The following CPEB3 variants were observed in gnomAD, a reference collection of about 807,000 sequenced individuals.
CPEB3 encodes cytoplasmic polyadenylation element-binding protein 3.
In CPEB3, 20 loss-of-function variants were observed where a neutral mutation model predicts 67.2. The ratio of observed to expected loss-of-function variants is 0.30; its 90% CI spans 0.21 to 0.43. The LOEUF (loss-of-function observed/expected upper bound fraction) is 0.43, where lower values mean the gene tolerates loss of function less well. Among genes scored for constraint, CPEB3 ranks in the 20% least tolerant of loss-of-function variants. The probability of loss-of-function intolerance (pLI) is 1.00; values close to 1 mark genes in which losing one functional copy is unlikely to be tolerated. For synonymous variants in CPEB3, 376 were observed against 393.1 expected, an observed-to-expected ratio of 0.96 and a Z score of 0.51; for missense variants, 746 against 968.6, an observed-to-expected ratio of 0.77 and a Z score of 3.05.
At chr10:92,161,536 G>A (rs1475528722) in intron 4 of CPEB3, among the ~76,000 whole-genome samples, 1 of 152,124 alleles carries the variant, frequency 6.6e-6, no homozygotes, top group African/African-American at 2.4e-5. Flanking sequence ...GCCTCCCAAA[G>A]TATTGGAATT....
At chr10:92,096,946 A>C (rs1843909920) in intron 7 of CPEB3, among the ~76,000 whole-genome samples, 1 of 152,202 alleles carries the variant, frequency 6.6e-6, no homozygotes, top group Non-Finnish European at 1.5e-5. Context: ...ACCCTGTCTC[A>C]AAATAAAATA....
intron 8 of CPEB3, among the ~76,000 whole-genome samples, chr10:92,089,770 G>C (rs1378887120): frequency 1.3e-5 from 2 of 152,022 alleles, no homozygotes; most frequent in Non-Finnish European, 1.5e-5. Flanking sequence ...GTGACAGAGT[G>C]AGACTCCGTC....
In CPEB3 at chr10:92,239,218, G is replaced by A. The variant is rs1402521618; in HGVS notation, c.1005+128C>T. The A allele has an allele frequency of 3.8e-6, 4 of 1,044,458 alleles. No homozygotes were observed. Among genetic ancestry groups the A allele is most frequent in the East Asian group, 2.6e-5 (1 of 38,386 alleles). The allele number at this position is 1,044,458 out of a possible 1,614,324, so 64.7% of individuals were successfully genotyped here. On this transcript the variant is annotated intron_variant, in intron 2 of 9. Transcript: ENST00000265997. The surrounding 1 kb of genome is among the most constrained non-coding windows in gnomAD (Gnocchi z 6.0). ...ACAGCCCTAAAGAACTGGAGGCTTC[G>A]GAAGGGGAAAGAGGAGCTGGACATT...
At chr10:92,066,494 C>T (rs950363679) in intron 9 of CPEB3, among the ~76,000 whole-genome samples, 2 of 152,160 alleles carry the variant, frequency 1.3e-5, no homozygotes, top group African/African-American at 4.8e-5. Context: ...TGAACCTGGG[C>T]ACCCCATGAA....
intron 3 of CPEB3, among the ~76,000 whole-genome samples, chr10:92,188,082 GCTA>G (rs1848777895): frequency 1.3e-5 from 2 of 151,980 alleles, no homozygotes; most frequent in South Asian, 4.1e-4. Flanking sequence ...TCTAGTACCA[GCTA>G]CTTAGGGAGC....
At chr10:92,095,615 T>C (rs1362753781) in intron 7 of CPEB3, among the ~76,000 whole-genome samples, 9 of 144,870 alleles carry the variant, frequency 6.2e-5, no homozygotes, top group Admixed American at 4.8e-4. Flanking sequence ...TTTTTTTTCA[T>C]TGTGTATATA....
chr10:92,195,026 A>G (rs1849167720), intron 2 of CPEB3, among the ~76,000 whole-genome samples: 1 of 150,142 alleles, frequency 6.7e-6, no homozygotes, highest in Non-Finnish European at 1.5e-5. Context: ...CCTGGGCGAC[A>G]GAGCGAGACT....
chr10:92,217,003 C>T (rs1850439928), intron 2 of CPEB3, among the ~76,000 whole-genome samples: 1 of 148,848 alleles, frequency 6.7e-6, no homozygotes, highest in Non-Finnish European at 1.5e-5. Context: ...AAAGGCTGTT[C>T]CAAGAATGTA....
intron 6 of CPEB3, chr10:92,137,955 G>A (rs187459792): frequency 4.8e-4 from 75 of 155,900 alleles, no homozygotes; most frequent in Middle Eastern, 3.2e-3. Flanking sequence ...AGCCGAGATC[G>A]CACAACTGCA....
chr10:92,286,399 A>G (rs1333410201), intron 1 of CPEB3, among the ~76,000 whole-genome samples: 1 of 151,942 alleles, frequency 6.6e-6, no homozygotes, highest in Non-Finnish European at 1.5e-5. Flanking sequence ...AGCCTGGGCA[A>G]CATGGAGAAA....
intron 1 of CPEB3, among the ~76,000 whole-genome samples, chr10:92,274,534 T>C (rs1564925768): frequency 6.6e-6 from 1 of 152,148 alleles, no homozygotes; most frequent in Non-Finnish European, 1.5e-5. Flanking sequence ...GGTCAACAAG[T>C]ACTGGATAAC....
At chr10:92,236,984 A>C (rs1426392186) in intron 2 of CPEB3, among the ~76,000 whole-genome samples, 4 of 145,872 alleles carry the variant, frequency 2.7e-5, no homozygotes, top group African/African-American at 1.1e-4. Flanking sequence ...TCTATAAAAT[A>C]AACTCTGATT....
At chr10:92,258,625 A>AACTAATACATATATAT (rs1554936345) in intron 1 of CPEB3, among the ~76,000 whole-genome samples, 1 of 32,914 alleles carries the variant, frequency 3.0e-5, no homozygotes, top group Admixed American at 3.3e-4. Flanking sequence ...ATATTTTTTG[A>AACTAATACATATATAT]ATATATATAT....
intron 4 of CPEB3, among the ~76,000 whole-genome samples, chr10:92,154,389 C>A (rs1677520762): frequency 6.6e-6 from 1 of 151,818 alleles, no homozygotes; most frequent in African/African-American, 2.4e-5. Context: ...CAATCTTATT[C>A]TTTCATGTCA....
At chr10:92,195,355 T>A (rs1368050797) in intron 2 of CPEB3, among the ~76,000 whole-genome samples, 1 of 152,202 alleles carries the variant, frequency 6.6e-6, no homozygotes, top group East Asian at 1.9e-4. Context: ...CTATACAATC[T>A]AAGAAGGTTT....
intron 9 of CPEB3, among the ~76,000 whole-genome samples, chr10:92,057,538 G>A (rs952675274): frequency 5.3e-5 from 8 of 152,232 alleles, no homozygotes; most frequent in African/African-American, 1.9e-4. Flanking sequence ...TGCCCTAAAG[G>A]GAAAGCCACA....
rs528652239 is a variant in CPEB3, at chr10:92,194,898, G to C, written c.1006-2262C>G. ...CTACTAAAAAATATACAAAAAATTA[G>C]CCAGGCATGGTGGTGGGCACCTGTA... On this transcript the variant is annotated intron_variant, in intron 2 of 9. Transcript: ENST00000265997. 7.2e-4 allele frequency among the ~76,000 whole-genome samples: 110 copies of C among 152,156 alleles called. 1 individual carries two copies. The highest frequency in any genetic ancestry group is 1.3e-3 in the Non-Finnish European group (87 of 68,014).
intron 1 of CPEB3, among the ~76,000 whole-genome samples, chr10:92,258,808 C>T (rs1852658976): frequency 2.0e-5 from 3 of 151,390 alleles, no homozygotes; most frequent in African/African-American, 7.3e-5. Flanking sequence ...CAGGCACCCA[C>T]CACCACGCTG....
rs1169019064 is a variant in CPEB3 at position 92,091,840 on chromosome 10, G to C, written c.1677C>G (p.Pro559=). Residue 559 remains proline, a synonymous_variant, in exon 8 of 10, where the codon CCC becomes CCG. Coordinates refer to ENST00000265997, the MANE Select transcript of CPEB3 (RefSeq NM_014912.5). Reference sequence around the variant, plus strand: ...ACTATTTCCACTCACCAGCTCGAAGGGGTCGTGGAACTCCCCCAACAAAGA... The same window carrying C: ...ACTATTTCCACTCACCAGCTCGAAGCGGTCGTGGAACTCCCCCAACAAAGA... ...KTIFVGGVPR[P]LRAVELAMIM... 6.2e-7 allele frequency: 1 copy of C among 1,605,402 alleles called. No individual in the cohort carries two copies. Among genetic ancestry groups the C allele is most frequent in the Non-Finnish European group, 8.5e-7 (1 of 1,174,072 alleles).
Sources: allele counts gnomAD v4.1 joint callset (sites outside exome capture counted in the v4.1 genomes callset), GRCh38; gene constraint gnomAD v4.1.1; non-coding constraint Gnocchi (gnomAD v3.1); transcripts MANE v1.5; gene names NCBI Gene and HGNC (gene_info 2026-07-23, HGNC 2026-07-21).